NFIA: variants seen among roughly 807,000 people sequenced by gnomAD.
NFIA encodes nuclear factor 1 A-type.
Under a neutral mutation model 62.8 loss-of-function variants are expected in NFIA, and 8 were observed. The observed-to-expected ratio is 0.13, with a 90% CI of 0.07 to 0.23. NFIA has a LOEUF of 0.23. Among genes scored for constraint, NFIA ranks in the 10% least tolerant of loss-of-function variants. The pLI is 1.00. For synonymous variants in NFIA, 235 were observed against 238.1 expected, an observed-to-expected ratio of 0.99 and a Z score of 0.12; for missense variants, 410 against 642.1, an observed-to-expected ratio of 0.64 and a Z score of 3.91.
At chr1:61,232,215 C>A (rs1472227934) in intron 2 of NFIA, among the ~76,000 whole-genome samples, 3 of 152,102 alleles carry the variant, frequency 2.0e-5, no homozygotes, top group African/African-American at 7.2e-5. Context: ...TAGGTTATAT[C>A]TGAATAATAA....
intron 2 of NFIA, among the ~76,000 whole-genome samples, chr1:61,175,004 A>C (rs1180562658): frequency 1.3e-5 from 2 of 152,118 alleles, no homozygotes; most frequent in Admixed American, 1.3e-4. Flanking sequence ...CCTCCTCCCC[A>C]ATGCCAGTGT....
chr1:61,185,249 G>A (rs1193144493), intron 2 of NFIA, among the ~76,000 whole-genome samples: 3 of 152,262 alleles, frequency 2.0e-5, no homozygotes, highest in South Asian at 2.1e-4. Flanking sequence ...TAATGAAGAC[G>A]TTAAAGAAGA....
At chr1:61,450,068 A>T (rs940302373) in intron 10 of NFIA, among the ~76,000 whole-genome samples, 1 of 152,172 alleles carries the variant, frequency 6.6e-6, no homozygotes, top group Non-Finnish European at 1.5e-5. Flanking sequence ...ATAAAATCCT[A>T]TTGGGAGAAA....
intron 2 of NFIA, among the ~76,000 whole-genome samples, chr1:61,198,803 C>T (rs780727133): frequency 6.6e-6 from 1 of 152,198 alleles, no homozygotes; most frequent in Non-Finnish European, 1.5e-5. Flanking sequence ...GCCCAGCTGT[C>T]AGTGTGTCGC....
intron 6 of NFIA, among the ~76,000 whole-genome samples, chr1:61,369,822 A>G (rs1467557480): frequency 6.6e-6 from 1 of 152,104 alleles, no homozygotes; most frequent in Non-Finnish European, 1.5e-5. Context: ...ACATTCATTT[A>G]ATTTGTAAAA....
chr1:61,381,017 A>G (rs889475503), intron 6 of NFIA, among the ~76,000 whole-genome samples: 2 of 152,064 alleles, frequency 1.3e-5, no homozygotes, highest in Admixed American at 6.6e-5. Context: ...CAAAGAAATC[A>G]TAACTTTTTC....
chr1:61,207,205 CAAAA>C (rs1348723514), intron 2 of NFIA, among the ~76,000 whole-genome samples: 1 of 152,044 alleles, frequency 6.6e-6, no homozygotes, highest in African/African-American at 2.4e-5. Flanking sequence ...AATTTTGAAA[CAAAA>C]ATTTAATGAA....
rs138349324 is a variant in NFIA, at chr1:61,318,659, G to A, written c.626-13853G>A. 5.9e-5 allele frequency among the ~76,000 whole-genome samples: 9 copies of A among 152,264 alleles called. No individual in the cohort carries two copies. In the East Asian group the frequency reaches 1.3e-3, roughly 23 times the overall value. On this transcript the variant is annotated intron_variant, in intron 3 of 10. Transcript: ENST00000403491. ...AATTTTGAAACAGCAAATGGATTTGGTCTGTTCTGAAAAAACAATCTGTCC... is the reference window on the plus strand; with the variant it reads ...AATTTTGAAACAGCAAATGGATTTGATCTGTTCTGAAAAAACAATCTGTCC...
intron 10 of NFIA, among the ~76,000 whole-genome samples, chr1:61,452,732 A>G (rs548071533): frequency 3.9e-5 from 6 of 152,314 alleles, no homozygotes; most frequent in Admixed American, 1.3e-4. Flanking sequence ...CAGCCCAAAA[A>G]CCTGGAGTCA....
Position 61,260,871 on chromosome 1 carries a change from C to T in NFIA, c.560-16649C>T, listed in dbSNP as rs560471898. ...CTGGGATTACAGGCGTGAGCCCCTGCGCCCGGCCAAGAAATTTTCATAGAG... is the reference window on the plus strand; with the variant it reads ...CTGGGATTACAGGCGTGAGCCCCTGTGCCCGGCCAAGAAATTTTCATAGAG... On this transcript the variant is annotated intron_variant, in intron 2 of 10. Transcript: ENST00000403491. Among the ~76,000 whole-genome samples the T allele has an allele frequency of 4.6e-5, 7 of 152,314 alleles. No individual in the cohort carries two copies. The East Asian group carries it at 9.7e-4, about 21-fold the overall frequency.
At chr1:61,263,229 A>T (rs963438351) in intron 2 of NFIA, among the ~76,000 whole-genome samples, 1 of 152,364 alleles carries the variant, frequency 6.6e-6, no homozygotes, top group African/African-American at 2.4e-5. Flanking sequence ...GTAGATGTTA[A>T]CCAAACTGAT....
chr1:61,333,060 C>T (rs1661388082), intron 4 of NFIA, among the ~76,000 whole-genome samples: 1 of 148,410 alleles, frequency 6.7e-6, no homozygotes, highest in Admixed American at 6.7e-5. Context: ...CACACACACA[C>T]ACACACATAC....
At chr1:61,438,440 G>A (rs1369712681) in intron 10 of NFIA, among the ~76,000 whole-genome samples, 2 of 152,090 alleles carry the variant, frequency 1.3e-5, no homozygotes, top group Admixed American at 6.5e-5. Flanking sequence ...AAACAGAAAT[G>A]GTAATATGAT....
chr1:61,146,830 T>A (rs550002961), intron 2 of NFIA, among the ~76,000 whole-genome samples: 9 of 33,526 alleles, frequency 2.7e-4, no homozygotes, highest in Middle Eastern at 0.017. Flanking sequence ...TCATCTTTCA[T>A]AGTTTTTTTT....
chr1:61,246,654 C>T (rs969600306), intron 2 of NFIA, among the ~76,000 whole-genome samples: 6 of 151,946 alleles, frequency 3.9e-5, no homozygotes, highest in African/African-American at 9.7e-5. Context: ...CCATAATATC[C>T]CCTTCAAAGG....
At chr1:61,132,300 C>G (rs1462237576) in intron 2 of NFIA, among the ~76,000 whole-genome samples, 1 of 152,102 alleles carries the variant, frequency 6.6e-6, no homozygotes, top group Non-Finnish European at 1.5e-5. Flanking sequence ...GATCATGCTT[C>G]CTGGATCCAC....
At chr1:61,110,165 A>T (rs1646671114) in intron 2 of NFIA, among the ~76,000 whole-genome samples, 1 of 151,930 alleles carries the variant, frequency 6.6e-6, no homozygotes, top group Admixed American at 6.6e-5. Context: ...GTGGAATGAG[A>T]TGACTCTGCC....
At chr1:61,393,161 T>C (rs911057960) in intron 7 of NFIA, among the ~76,000 whole-genome samples, 6 of 142,368 alleles carry the variant, frequency 4.2e-5, no homozygotes, top group African/African-American at 1.5e-4. Context: ...TTTATTTTCC[T>C]TTTTTCAGCA....
At chr1:61,156,356 C>T (rs1387716662) in intron 2 of NFIA, among the ~76,000 whole-genome samples, 1 of 152,094 alleles carries the variant, frequency 6.6e-6, no homozygotes, top group Non-Finnish European at 1.5e-5. Flanking sequence ...TGATTATGTT[C>T]TTCTTGTGGG....
Sources: gnomAD v4.1 joint callset for allele counts (sites outside exome capture counted in the v4.1 genomes callset) on GRCh38, gnomAD v4.1.1 for gene constraint, MANE v1.5 for transcripts, NCBI Gene and HGNC (gene_info 2026-07-23, HGNC 2026-07-21) for gene names.